STK39: variants seen among roughly 807,000 people sequenced by gnomAD.
The protein encoded by STK39 is serine/threonine kinase 39, also known as STE20/SPS1-related proline-alanine-rich protein kinase.
In STK39, 20 loss-of-function variants were observed where a neutral mutation model predicts 77.8. The observed-to-expected ratio is 0.26, with a 90% confidence interval of 0.18 to 0.37. The LOEUF is 0.37. STK39 is among the 10% of genes least tolerant of loss of function. The pLI is 1.00. For synonymous variants in STK39, 246 were observed against 234.1 expected, an observed-to-expected ratio of 1.05 and a Z score of -0.47; for missense variants, 479 against 656.5, an observed-to-expected ratio of 0.73 and a Z score of 2.95.
chr2:167,977,388 C>T (rs1000378789), intron 16 of STK39, among the ~76,000 whole-genome samples: 12 of 152,002 alleles, frequency 7.9e-5, no homozygotes, highest in Admixed American at 7.2e-4. Flanking sequence ...AAACTGTATC[C>T]TCATTTAGCT....
intron 1 of STK39, among the ~76,000 whole-genome samples, chr2:168,240,343 T>C (rs949044468): frequency 1.3e-5 from 2 of 152,206 alleles, no homozygotes; most frequent in African/African-American, 4.8e-5. Context: ...ATCAAGAATT[T>C]TGGTATAGCA....
intron 10 of STK39, among the ~76,000 whole-genome samples, chr2:168,116,608 A>G (rs1206778022): frequency 6.6e-6 from 1 of 152,140 alleles, no homozygotes; most frequent in African/African-American, 2.4e-5. Context: ...CCGACCCCCA[A>G]CAATGATGTC....
chr2:168,160,947 G>A (rs374606962), intron 5 of STK39, among the ~76,000 whole-genome samples: 1 of 151,070 alleles, frequency 6.6e-6, no homozygotes, highest in South Asian at 2.1e-4. Context: ...GGGGGGTGGG[G>A]GTGGGGGGCA....
At chr2:168,045,400 C>T (rs538774284) in intron 14 of STK39, among the ~76,000 whole-genome samples, 1 of 152,064 alleles carries the variant, frequency 6.6e-6, no homozygotes, top group African/African-American at 2.4e-5. Flanking sequence ...CTTAGCCGTC[C>T]ACCCCAGTTG....
chr2:167,989,069 T>A (rs147027095), intron 16 of STK39, among the ~76,000 whole-genome samples: 1 of 152,276 alleles, frequency 6.6e-6, no homozygotes, highest in African/African-American at 2.4e-5. Flanking sequence ...TAGATAGCCA[T>A]TGGTTGGTAC....
chr2:168,202,893 C>T (rs570391968), intron 1 of STK39, among the ~76,000 whole-genome samples: 4 of 152,192 alleles, frequency 2.6e-5, no homozygotes, highest in South Asian at 2.1e-4. Context: ...GAGCAACAAA[C>T]GGAAGCATGC....
intron 16 of STK39, among the ~76,000 whole-genome samples, chr2:167,978,874 T>C (rs572756929): frequency 6.0e-5 from 9 of 151,184 alleles, no homozygotes; most frequent in African/African-American, 2.0e-4. Context: ...ATCTAGTACA[T>C]ACCCATTTTA....
At chr2:168,234,956 T>C (rs4556946) in intron 1 of STK39, among the ~76,000 whole-genome samples, 78,974 of 150,544 alleles carry the variant, frequency 0.52, 21,450 homozygotes, top group East Asian at 0.67. Flanking sequence ...AGTTTCAGAC[T>C]AGCCTGGGCA....
intron 10 of STK39, among the ~76,000 whole-genome samples, chr2:168,077,678 G>A (rs982214668): frequency 2.0e-5 from 3 of 152,092 alleles, no homozygotes; most frequent in African/African-American, 7.2e-5. Flanking sequence ...TTACTCCTAG[G>A]AATAAACTTG....
rs545448485 is a variant in STK39, at chr2:168,221,075, G to A, written c.208+26153C>T. ...TGAACTGCTGGTGATTTCAGAAGAG[G>A]CAGGCAAGTGAACACATGAGCAGGA... On this transcript the variant is annotated intron_variant, in intron 1 of 17. Transcript: ENST00000355999. 1.7e-3 allele frequency among the ~76,000 whole-genome samples: 253 copies of A among 152,234 alleles called. 3 individuals are homozygous for A. The highest frequency in any genetic ancestry group is 5.5e-3 in the African/African-American group (228 of 41,508).
At position 167,997,863 on chromosome 2, in the gene STK39, T is replaced by C. The variant is rs987653123; in HGVS notation, c.1498+14771A>G. 2.0e-5 allele frequency among the ~76,000 whole-genome samples: 3 copies of C among 152,164 alleles called. No homozygotes were observed. The East Asian group carries it at 5.8e-4, about 29-fold the overall frequency. ...GTATTTAATGGCGACTACAGTGCTG[T>C]ATGAAAATTTCTACGCCATGAGACA... is the stretch of plus-strand genomic sequence containing the variant. On this transcript the variant is annotated intron_variant, in intron 16 of 17. Transcript: ENST00000355999.
chr2:167,956,732 C>CCA lies in STK39; in HGVS notation c.1564-1163_1564-1162insTG, dbSNP rs1428298717. Among the ~76,000 whole-genome samples the CCA allele has an allele frequency of 7.5e-5, 3 of 40,250 alleles. 1 individual carries two copies. Among genetic ancestry groups the CCA allele is most frequent in the Non-Finnish European group, 1.6e-4 (3 of 18,882 alleles). 26.4% of individuals were successfully genotyped at this position (40,250 alleles called of 152,430 possible). ...CTCTCTCTCTCTCTCTCTCTCTCCC[C>CCA]CCCCGCCCCCTCAGATCCACCATTC... On this transcript the variant is annotated intron_variant, in intron 17 of 17. Coordinates refer to ENST00000355999, the MANE Select transcript of STK39 (RefSeq NM_013233.3).
chr2:168,085,967 G>A (rs886552171), intron 10 of STK39, among the ~76,000 whole-genome samples: 1 of 152,208 alleles, frequency 6.6e-6, no homozygotes. Context: ...CTGTGAGGTA[G>A]CCCAGACTAG....
At chr2:168,049,000 G>A (rs556055794) in intron 14 of STK39, among the ~76,000 whole-genome samples, 5 of 152,298 alleles carry the variant, frequency 3.3e-5, no homozygotes, top group African/African-American at 9.6e-5. Flanking sequence ...TTTCATCACC[G>A]TTTGCAAAAG....
chr2:168,050,816 T>C (rs1426820308), intron 14 of STK39, among the ~76,000 whole-genome samples: 1 of 152,228 alleles, frequency 6.6e-6, no homozygotes, highest in Non-Finnish European at 1.5e-5. Context: ...ATAGCAGTGA[T>C]AGAAAACTAA....
chr2:168,239,084 A>G (rs185289023), intron 1 of STK39, among the ~76,000 whole-genome samples: 2 of 152,282 alleles, frequency 1.3e-5, no homozygotes, highest in South Asian at 2.1e-4. Flanking sequence ...AAGTTATAAA[A>G]ATAGAACTCC....
In STK39 at chr2:168,173,455, G is replaced by A. The variant is rs77757227; in HGVS notation, c.322-6048C>T. On this transcript the variant is annotated intron_variant, in intron 2 of 17. Coordinates refer to ENST00000355999, the MANE Select transcript of STK39 (RefSeq NM_013233.3). ...TGATTTCAAACGTCAACCAAGGCAT[G>A]GAAGAACAGGATTAACAAGGTCTTA... Among the ~76,000 whole-genome samples the A allele has an allele frequency of 2.7e-3, 411 of 152,218 alleles. 16 individuals carry two copies. The East Asian group carries it at 0.064, about 24-fold the overall frequency.
chr2:168,012,736 C>A (rs754225189), intron 15 of STK39, 34 bp from the exon 16 acceptor site: 1 of 1,575,570 alleles, frequency 6.3e-7, no homozygotes, highest in African/African-American at 1.4e-5. Flanking sequence ...GTATTAGTAA[C>A]CATAACATAA....
intron 14 of STK39, among the ~76,000 whole-genome samples, chr2:168,062,591 T>C (rs993202470): frequency 1.1e-4 from 16 of 152,170 alleles, no homozygotes; most frequent in African/African-American, 3.4e-4. Flanking sequence ...AGATGGACTA[T>C]GATAACTCAG....
Sources: allele counts gnomAD v4.1 joint callset (sites outside exome capture counted in the v4.1 genomes callset), GRCh38; gene constraint gnomAD v4.1.1; transcripts MANE v1.5; gene names NCBI Gene and HGNC (gene_info 2026-07-23, HGNC 2026-07-21).